Variants in NPAS3 observed in about 807,000 individuals in gnomAD.
The protein encoded by NPAS3 is neuronal PAS domain-containing protein 3.
NPAS3 carries 14 observed loss-of-function variants against 73.1 expected under a neutral mutation model. The ratio of observed to expected loss-of-function variants is 0.19; its 90% CI spans 0.13 to 0.30. NPAS3 has a LOEUF of 0.30. NPAS3 is among the 10% of genes least tolerant of loss of function. The pLI, the probability that NPAS3 is intolerant of heterozygous loss-of-function variation, is 1.00. For missense variants in NPAS3, 1,096 were observed against 1,250.0 expected (o/e 0.88, Z 1.86); for synonymous variants, 620 against 541.5 (o/e 1.14, Z -2.01).
intron 2 of NPAS3, among the ~76,000 whole-genome samples, chr14:33,157,235 G>T (rs1419334114): frequency 3.9e-5 from 6 of 152,098 alleles, no homozygotes; most frequent in Admixed American, 1.3e-4. Flanking sequence ...GTTACATAAG[G>T]TTCAAATTAT....
chr14:33,111,937 G>T (rs1336155219), intron 2 of NPAS3, among the ~76,000 whole-genome samples: 1 of 151,720 alleles, frequency 6.6e-6, no homozygotes. Flanking sequence ...TTTGTCCTTG[G>T]TGATAGTTTG....
chr14:33,446,469 C>T (rs929298353), intron 4 of NPAS3, among the ~76,000 whole-genome samples: 4 of 152,074 alleles, frequency 2.6e-5, no homozygotes, highest in Admixed American at 2.0e-4. Flanking sequence ...GCCACCGCGC[C>T]CGGCCACTTC....
intron 3 of NPAS3, among the ~76,000 whole-genome samples, chr14:33,251,270 C>G (rs959875449): frequency 2.0e-5 from 3 of 152,098 alleles, no homozygotes; most frequent in African/African-American, 7.2e-5. Context: ...TTCCCAGTGT[C>G]CTTTCACTTT....
chr14:33,202,898 G>T (rs2046674884), intron 2 of NPAS3, among the ~76,000 whole-genome samples: 1 of 152,142 alleles, frequency 6.6e-6, no homozygotes, highest in East Asian at 1.9e-4. Flanking sequence ...AACTTATTCT[G>T]TTAGAACTTT....
chr14:33,201,406 T>G (rs1018020824), intron 2 of NPAS3, among the ~76,000 whole-genome samples: 4 of 152,130 alleles, frequency 2.6e-5, no homozygotes, highest in African/African-American at 9.7e-5. Flanking sequence ...CCACACTGTC[T>G]TTGTAAAGAT....
At chr14:33,637,715 C>T (rs2058562706) in intron 5 of NPAS3, among the ~76,000 whole-genome samples, 1 of 152,094 alleles carries the variant, frequency 6.6e-6, no homozygotes, top group Admixed American at 6.5e-5. Flanking sequence ...TACTTTTGTA[C>T]TCATGAACAG....
intron 4 of NPAS3, among the ~76,000 whole-genome samples, chr14:33,431,164 GT>G (rs1416027712): frequency 6.6e-6 from 1 of 152,136 alleles, no homozygotes; most frequent in African/African-American, 2.4e-5. Context: ...ACTTTTCCAT[GT>G]TTGAGATAAT....
intron 2 of NPAS3, among the ~76,000 whole-genome samples, chr14:33,206,947 A>T (rs1367702136): frequency 6.6e-6 from 1 of 152,078 alleles, no homozygotes; most frequent in Admixed American, 6.6e-5. Context: ...TTTCCTCTCA[A>T]TGTGTGCTCA....
chr14:32,979,460 C>T (rs2037812516), intron 1 of NPAS3, among the ~76,000 whole-genome samples: 1 of 152,042 alleles, frequency 6.6e-6, no homozygotes, highest in African/African-American at 2.4e-5. Context: ...TCTCATTTTA[C>T]AATTTCAAAC....
chr14:33,691,067 C>T (rs1309785007), intron 6 of NPAS3, among the ~76,000 whole-genome samples: 1 of 152,170 alleles, frequency 6.6e-6, no homozygotes, highest in East Asian at 1.9e-4. Context: ...TCAAAAAACA[C>T]CCATCAATCC....
At chr14:33,424,390 C>G (rs2046603834) in intron 4 of NPAS3, among the ~76,000 whole-genome samples, 1 of 151,826 alleles carries the variant, frequency 6.6e-6, no homozygotes, top group Non-Finnish European at 1.5e-5. Flanking sequence ...ACCAAGATGC[C>G]CATGAAGGGT....
chr14:33,363,922 C>CTGTGTGTGTGTGTGTG lies in NPAS3; in HGVS notation c.386-3252_386-3237dup, dbSNP rs10627532. ...CATTCCATTTATTTAGCAATGCCCTCTGTGTGTGTGTGTGTGTGTGTGTGT... is the reference window on the plus strand; with the variant it reads ...CATTCCATTTATTTAGCAATGCCCTCTGTGTGTGTGTGTGTGTGTGTGTGTGTGTGTGTGTGTGTGT... On this transcript the variant is annotated intron_variant, in intron 3 of 11. Coordinates refer to ENST00000356141, the Ensembl canonical transcript of NPAS3. Among the ~76,000 whole-genome samples the CTGTGTGTGTGTGTGTG allele has an allele frequency of 2.4e-3, 356 of 148,868 alleles. 2 individuals carry two copies. Among genetic ancestry groups the CTGTGTGTGTGTGTGTG allele is most frequent in the Middle Eastern group, 0.017 (5 of 292 alleles).
intron 1 of NPAS3, among the ~76,000 whole-genome samples, chr14:32,990,802 C>T (rs992557852): frequency 2.0e-5 from 3 of 151,892 alleles, no homozygotes; most frequent in South Asian, 2.1e-4. Context: ...TAGCGCACGC[C>T]GGTAGTCCCA....
intron 3 of NPAS3, among the ~76,000 whole-genome samples, chr14:33,363,099 G>T (rs988476833): frequency 6.6e-6 from 1 of 152,140 alleles, no homozygotes; most frequent in African/African-American, 2.4e-5. Flanking sequence ...CTTCTGTTTT[G>T]TAATGGGTTC....
At chr14:33,605,463 G>A (rs1315006754) in intron 5 of NPAS3, among the ~76,000 whole-genome samples, 6 of 147,032 alleles carry the variant, frequency 4.1e-5, no homozygotes, top group Non-Finnish European at 1.5e-5. Flanking sequence ...AAATCTGATT[G>A]AATCCATAAA....
rs2059448830 is a variant in NPAS3 at position 33,666,306 on chromosome 14, C to T, written c.559-9905C>T. Reference sequence around the variant, plus strand: ...AACCCTCTTGTGTCCTGGATTGCTCCTATCTTTTCATCCAAGCCACCTGTC... The same window carrying T: ...AACCCTCTTGTGTCCTGGATTGCTCTTATCTTTTCATCCAAGCCACCTGTC... On this transcript the variant is annotated intron_variant, in intron 5 of 11. Coordinates refer to ENST00000356141, the Ensembl canonical transcript of NPAS3. 2.6e-5 allele frequency among the ~76,000 whole-genome samples: 4 copies of T among 152,112 alleles called. 1 individual carries two copies. The South Asian group carries it at 8.3e-4, about 32-fold the overall frequency.
chr14:33,625,957 T>C (rs1219584539), intron 5 of NPAS3, among the ~76,000 whole-genome samples: 1 of 152,200 alleles, frequency 6.6e-6, no homozygotes, highest in Non-Finnish European at 1.5e-5. Flanking sequence ...TGTTAGAGAA[T>C]GAAAGGATCT....
intron 2 of NPAS3, among the ~76,000 whole-genome samples, chr14:33,097,362 C>T (rs952161351): frequency 6.6e-6 from 1 of 152,154 alleles, no homozygotes; most frequent in Non-Finnish European, 1.5e-5. Flanking sequence ...TAAGATTTAG[C>T]TATGTGTATA....
chr14:33,358,808 A>C (rs1054115985), intron 3 of NPAS3, among the ~76,000 whole-genome samples: 5 of 152,194 alleles, frequency 3.3e-5, no homozygotes, highest in African/African-American at 1.2e-4. Context: ...ACGTATCTAT[A>C]AGTGGAAATA....
Sources: gnomAD v4.1 joint callset for allele counts (sites outside exome capture counted in the v4.1 genomes callset) on GRCh38, gnomAD v4.1.1 for gene constraint, MANE v1.5 for transcripts, NCBI Gene and HGNC (gene_info 2026-07-23, HGNC 2026-07-21) for gene names.